CAPN3: variants seen among roughly 807,000 people sequenced by gnomAD.
CAPN3 encodes calpain 3, also known as calpain-3.
CAPN3 carries 88 observed loss-of-function variants against 114.0 expected under a neutral mutation model. The ratio of observed to expected loss-of-function variants is 0.77; its 90% CI spans 0.65 to 0.92. The LOEUF (loss-of-function observed/expected upper bound fraction) is 0.92. CAPN3 is among the 40% of genes least tolerant of loss of function. The probability of loss-of-function intolerance (pLI) is 0.00; values close to 1 mark genes in which losing one functional copy is unlikely to be tolerated. For synonymous variants in CAPN3, 386 were observed against 382.9 expected (o/e 1.01, Z -0.09); for missense variants, 1,028 against 1,069.0 (o/e 0.96, Z 0.53).
At chr15:42,404,930 A>G in intron 14 of CAPN3, 2 of 1,001,116 alleles carry the variant, frequency 2.0e-6, no homozygotes, top group Non-Finnish European at 2.4e-6. Context: ...TGCAAACCCA[A>G]AAGCTTATGG....
rs370274149 is a variant in CAPN3 at position 42,408,237 on chromosome 15, A to G, written c.1827A>G (p.Ala609=). 2 of 1,613,646 alleles carry G rather than the reference A, an allele frequency of 1.2e-6. No individual in the cohort carries two copies. Among genetic ancestry groups the G allele is most frequent in the Admixed American group, 1.7e-5 (1 of 59,988 alleles). The part of the protein sequence containing the change: ...TKPIIFVSDR[A]NSNKELGVDQ... Reference sequence around the variant, plus strand: ...CCATCATCTTCGTTTCGGACAGAGCAAACAGCAACAAGGAGCTGGGTGTGG... The same window carrying G: ...CCATCATCTTCGTTTCGGACAGAGCGAACAGCAACAAGGAGCTGGGTGTGG... The change falls in exon 16 of 24, where the codon GCA becomes GCG. Residue 609 remains alanine, a synonymous_variant. Coordinates refer to ENST00000397163, the MANE Select transcript of CAPN3 (RefSeq NM_000070.3).
intron 1 of CAPN3, among the ~76,000 whole-genome samples, chr15:42,380,751 A>ATATATTTTTTT (rs1436943739): frequency 1.6e-5 from 1 of 64,484 alleles, no homozygotes; most frequent in African/African-American, 9.0e-5. Context: ...ATATATATAT[A>ATATATTTTTTT]TTTTTTTTTT....
intron 21 of CAPN3, 46 bp downstream of exon 21, chr15:42,410,712 G>A (rs2054191319): frequency 1.9e-6 from 3 of 1,540,748 alleles, no homozygotes; most frequent in African/African-American, 1.4e-5. Context: ...CGAGACGGTG[G>A]GAGCAGGAAT....
At chr15:42,392,468 C>T (rs1175809265) in intron 6 of CAPN3, among the ~76,000 whole-genome samples, 171 bp from the exon 7 acceptor site, 1 of 152,168 alleles carries the variant, frequency 6.6e-6, no homozygotes. Flanking sequence ...TCTCTTGGCA[C>T]TCTTAAAGGG....
chr15:42,375,155 CAT>C lies in CAPN3; in HGVS notation c.310-9327_310-9326del, dbSNP rs985262205. Reference sequence around the variant, plus strand: ...AGGCAAGATCCATTTCACCTGGTCTCATGTGTCTTTTTCAGAGCAGGTGTTTT... The same window carrying C: ...AGGCAAGATCCATTTCACCTGGTCTCGTGTCTTTTTCAGAGCAGGTGTTTT... On this transcript the variant is annotated intron_variant, in intron 1 of 23. Coordinates refer to ENST00000397163, the MANE Select transcript of CAPN3 (RefSeq NM_000070.3). Among the ~76,000 whole-genome samples the C allele has an allele frequency of 7.2e-5, 11 of 151,812 alleles. 1 individual carries two copies. Among genetic ancestry groups the C allele is most frequent in the Admixed American group, 3.9e-4 (6 of 15,252 alleles).
At chr15:42,385,531 CAGAGAGAGAG>C (rs751078121) in intron 2 of CAPN3, 8 of 361,090 alleles carry the variant, frequency 2.2e-5, no homozygotes, top group Middle Eastern at 1.0e-3. Context: ...TATACACACA[CAGAGAGAGAG>C]AGAGAGAGAG....
chr15:42,359,788 C>T lies in CAPN3; in HGVS notation c.-18C>T, dbSNP rs1453246960. 6.2e-7 allele frequency: 1 copy of T among 1,612,588 alleles called. No individual in the cohort carries two copies. The highest frequency in any genetic ancestry group is 8.5e-7 in the Non-Finnish European group (1 of 1,179,978). On this transcript the variant is annotated 5_prime_UTR_variant, in exon 1 of 24. Coordinates refer to ENST00000397163, the MANE Select transcript of CAPN3 (RefSeq NM_000070.3). ...TCTTATTTTCTTTAAAAAGCTTTTT[C>T]TTCCAAAGCCACTTGCCATGCCGAC...
intron 23 of CAPN3, 60 bp downstream of exon 23, chr15:42,411,405 C>T (rs1445909129): frequency 1.4e-5 from 21 of 1,459,244 alleles, no homozygotes; most frequent in South Asian, 3.4e-5. Flanking sequence ...GAGGGGTCAA[C>T]GGGGCGGACT....
Position 42,410,940 on chromosome 15 carries a change from C to G in CAPN3, c.2320C>G (p.His774Asp). Residue 774 changes from histidine to aspartate, a missense_variant, in exon 22 of 24, where the codon CAC (histidine) becomes GAC (aspartate). Physicochemically the swap from His to Asp is moderately conservative, Grantham distance 81. Coordinates refer to ENST00000397163, the MANE Select transcript of CAPN3 (RefSeq NM_000070.3). Reference sequence around the variant, plus strand: ...CATTACCATGCGGTACGCAGACAAACACATGAACATCGACTTTGACAGTTT... The same window carrying G: ...CATTACCATGCGGTACGCAGACAAAGACATGAACATCGACTTTGACAGTTT... Reference protein sequence around the residue: ...DIITMRYADKHMNIDFDSFIC... With the variant: ...DIITMRYADKDMNIDFDSFIC... The G allele has an allele frequency of 6.2e-7, 1 of 1,614,240 alleles. No homozygotes were observed.
rs1224182721 is a variant in CAPN3, at chr15:42,375,401, T to C, written c.310-9082T>C. Among the ~76,000 whole-genome samples the C allele has an allele frequency of 3.9e-5, 6 of 152,082 alleles. No individual in the cohort carries two copies. In the East Asian group the frequency reaches 1.2e-3, roughly 29 times the overall value. ...CGGGATGAAGCAGTTTGTGTCAGGC[T>C]ACCTTATGGCGCAACCGAGAAGCCC... On this transcript the variant is annotated intron_variant, in intron 1 of 23. Coordinates refer to ENST00000397163, the MANE Select transcript of CAPN3 (RefSeq NM_000070.3).
intron 5 of CAPN3, 119 bp from the exon 6 acceptor site, chr15:42,389,834 T>C (rs1045561992): frequency 2.0e-5 from 21 of 1,071,798 alleles, no homozygotes; most frequent in Non-Finnish European, 3.0e-5. Flanking sequence ...GCTCTGTTGA[T>C]CTCTCCTCTC....
chr15:42,405,911 CCTTTT>C lies in CAPN3; in HGVS notation c.1783-11_1783-7del. On this transcript the variant is annotated splice_polypyrimidine_tract_variant and intron_variant, in intron 14 of 23. Coordinates refer to ENST00000397163, the MANE Select transcript of CAPN3 (RefSeq NM_000070.3). ...TTCACTTATTCTGCATTTACTGTTT[CCTTTT>C]CTTATGCAGAAAAAGAAAAAAACCA... 6.2e-7 allele frequency: 1 copy of C among 1,609,310 alleles called. No homozygotes were observed. The highest frequency in any genetic ancestry group is 2.2e-5 in the East Asian group (1 of 44,822).
chr15:42,396,328 C>T (rs1438759703), intron 8 of CAPN3, among the ~76,000 whole-genome samples: 3 of 151,476 alleles, frequency 2.0e-5, no homozygotes, highest in Non-Finnish European at 2.9e-5. Context: ...CTGCAACCTC[C>T]GCCTCCCGGG....
chr15:42,392,143 C>T (rs943478932), intron 6 of CAPN3, among the ~76,000 whole-genome samples: 13 of 151,932 alleles, frequency 8.6e-5, no homozygotes, highest in Admixed American at 3.3e-4. Flanking sequence ...CCAGCCTGGG[C>T]GACACAGCAA....
rs1566965970 is a variant in CAPN3 at position 42,359,964 on chromosome 15, T to C, written c.159T>C (p.Ile53=). ...YSAIISRNFP[I]IGVKEKTFEQ... The stretch of plus-strand genomic sequence containing the variant: ...CCATCATCAGCCGCAATTTTCCTAT[T>C]ATCGGAGTGAAAGAGAAGACATTCG... Residue 53 remains isoleucine (I), a synonymous_variant, in exon 1 of 24, where the codon ATT becomes ATC. Transcript: ENST00000397163. 1 of 1,614,204 alleles carries C rather than the reference T, an allele frequency of 6.2e-7. No individual in the cohort carries two copies. The highest frequency in any genetic ancestry group is 2.2e-5 in the East Asian group (1 of 44,888).
At chr15:42,396,455 TG>T (rs2053693869) in intron 8 of CAPN3, among the ~76,000 whole-genome samples, 1 of 152,150 alleles carries the variant, frequency 6.6e-6, no homozygotes, top group East Asian at 1.9e-4. Context: ...TTGGCCAGGC[TG>T]GTCTCGAAAT....
In CAPN3 at chr15:42,386,212, A is replaced by G. The variant is rs1173872855; in HGVS notation, c.425A>G (p.Gln142Arg). The G allele has an allele frequency of 6.8e-6, 11 of 1,614,084 alleles. No individual in the cohort carries two copies. The highest frequency in any genetic ancestry group is 1.7e-5 in the Admixed American group (1 of 60,012). Reference sequence around the variant, plus strand: ...GCCATTGCCTGCCTGACCCTGAACCAGCACCTTCTTTTCCGAGTCATACCC... The same window carrying G: ...GCCATTGCCTGCCTGACCCTGAACCGGCACCTTCTTTTCCGAGTCATACCC... Reference protein sequence around the residue: ...LAAIACLTLNQHLLFRVIPHD... With the variant: ...LAAIACLTLNRHLLFRVIPHD... The change falls in exon 3 of 24, where the codon CAG becomes CGG. Residue 142 changes from glutamine to arginine, a missense_variant. Physicochemically the swap from Gln to Arg is conservative, Grantham distance 43. Transcript: ENST00000397163.
chr15:42,384,354 G>T (rs2053326158), intron 1 of CAPN3, 129 bp from the exon 2 acceptor site: 1 of 728,612 alleles, frequency 1.4e-6, no homozygotes, highest in African/African-American at 1.7e-5. Flanking sequence ...AGAGGTTTCA[G>T]TGAGCCAAGA....
rs150752895 is a variant in CAPN3, at chr15:42,363,456, G to T, written c.309+3342G>T. ...CGTGTTTCATTCCATGGGGTGGAAGGTTCAATTGCACCACACTCCTGGCCT... is the reference window on the plus strand; with the variant it reads ...CGTGTTTCATTCCATGGGGTGGAAGTTTCAATTGCACCACACTCCTGGCCT... On this transcript the variant is annotated intron_variant, in intron 1 of 23. Transcript: ENST00000397163. 3.3e-5 allele frequency among the ~76,000 whole-genome samples: 5 copies of T among 152,146 alleles called. No homozygotes were observed. The South Asian group carries it at 6.2e-4, about 19-fold the overall frequency.
Sources: allele counts gnomAD v4.1 joint callset (sites outside exome capture counted in the v4.1 genomes callset), GRCh38; gene constraint gnomAD v4.1.1; transcripts MANE v1.5; gene names NCBI Gene and HGNC (gene_info 2026-07-23, HGNC 2026-07-21).